Variants in PTPRF observed in about 807,000 individuals in gnomAD.
The protein encoded by PTPRF is protein tyrosine phosphatase receptor type F.
In PTPRF, 59 loss-of-function variants were observed where a neutral mutation model predicts 201.8. The observed-to-expected ratio is 0.29, with a 90% CI of 0.24 to 0.36. The LOEUF (loss-of-function observed/expected upper bound fraction) is 0.36. Among genes scored for constraint, PTPRF ranks in the 10% least tolerant of loss-of-function variants. The pLI, the probability that PTPRF is intolerant of heterozygous loss-of-function variation, is 1.00. For missense variants in PTPRF, 2,132 were observed against 2,690.5 expected (o/e 0.79, Z 4.59); for synonymous variants, 1,088 against 1,089.7 (o/e 1.00, Z 0.03).
At chr1:43,567,021 G>A (rs564916891) in intron 5 of PTPRF, among the ~76,000 whole-genome samples, 2 of 152,312 alleles carry the variant, frequency 1.3e-5, no homozygotes, top group Admixed American at 6.5e-5. Context: ...ACACAGGGCT[G>A]CACACATTTG....
At chr1:43,576,876 G>C (rs1570207123) in intron 6 of PTPRF, among the ~76,000 whole-genome samples, 2 of 152,348 alleles carry the variant, frequency 1.3e-5, no homozygotes, top group East Asian at 3.9e-4. Context: ...GGCAAGAGCA[G>C]CTGCCTTCCT....
intron 5 of PTPRF, among the ~76,000 whole-genome samples, chr1:43,564,525 C>G (rs1404234865): frequency 6.6e-6 from 1 of 152,198 alleles, no homozygotes; most frequent in Non-Finnish European, 1.5e-5. Context: ...TCCACAGGTG[C>G]TAGTCACTGC....
chr1:43,579,209 T>C, intron 7 of PTPRF: 1 of 623,578 alleles, frequency 1.6e-6, no homozygotes, highest in Non-Finnish European at 3.1e-6. Context: ...CCCATGGGAA[T>C]TTGGAGCCAT....
chr1:43,607,554 G>A (rs1376629909), intron 21 of PTPRF, among the ~76,000 whole-genome samples: 1 of 152,160 alleles, frequency 6.6e-6, no homozygotes, highest in Non-Finnish European at 1.5e-5. Flanking sequence ...CTTCCTATCC[G>A]TGCACCTTCC....
upstream of PTPRF, chr1:43,525,391 C>T (rs1643067409): frequency 6.6e-6 from 1 of 152,504 alleles, no homozygotes; most frequent in African/African-American, 2.4e-5. Context: ...TGCACCGGCA[C>T]TGAAGTAACC....
At chr1:43,613,144 T>G (rs1380114020) in intron 22 of PTPRF, 1 of 334,898 alleles carries the variant, frequency 3.0e-6, no homozygotes, top group Non-Finnish European at 5.8e-6. Flanking sequence ...CTCTCTCTAT[T>G]GTGTCTGTAC....
At chr1:43,547,096 C>T (rs368501236) in intron 3 of PTPRF, among the ~76,000 whole-genome samples, 4 of 152,162 alleles carry the variant, frequency 2.6e-5, no homozygotes, top group African/African-American at 7.2e-5. Flanking sequence ...TCATTCCCTC[C>T]CACCCCCAGG....
intron 11 of PTPRF, among the ~76,000 whole-genome samples, chr1:43,595,499 C>T (rs1652030371): frequency 6.6e-6 from 1 of 152,138 alleles, no homozygotes; most frequent in Non-Finnish European, 1.5e-5. Flanking sequence ...GGATTACAGG[C>T]GTGAGCCACC....
intron 7 of PTPRF, among the ~76,000 whole-genome samples, chr1:43,587,862 G>T (rs757741402): frequency 6.6e-6 from 1 of 152,198 alleles, no homozygotes; most frequent in African/African-American, 2.4e-5. Flanking sequence ...AACTTCGGGG[G>T]CGGGTGGTTC....
chr1:43,591,232 G>T lies in PTPRF; in HGVS notation c.1210G>T (p.Val404Leu). 6.3e-7 allele frequency: 1 copy of T among 1,599,180 alleles called. No individual in the cohort carries two copies. Among genetic ancestry groups the T allele is most frequent in the Non-Finnish European group, 8.5e-7 (1 of 1,173,688 alleles). The change falls in exon 9 of 34, where the codon GTG (valine) becomes TTG (leucine). Residue 404 changes from valine (V) to leucine (L), a missense_variant. Around this residue, in one of 6 missense-constraint regions of PTPRF, gnomAD observed 351 missense variants for 401.7 expected, o/e 0.87. Transcript: ENST00000359947. ...CGGGCGAGGGCCGCCCAGCGAGGCA[G>T]TGCGGGCACGCACGGGAGAACAGGC... is the stretch of plus-strand genomic sequence containing the variant. ...SIGRGPPSEAVRARTGEQAPS... is the reference protein window; with the variant it reads ...SIGRGPPSEALRARTGEQAPS...
Position 43,584,283 on chromosome 1 carries a change from T to G in PTPRF, c.680-4448T>G, listed in dbSNP as rs549292820. Among the ~76,000 whole-genome samples the G allele has an allele frequency of 9.2e-5, 14 of 152,320 alleles. No homozygotes were observed. The East Asian group carries it at 2.7e-3, about 29-fold the overall frequency. On this transcript the variant is annotated intron_variant, in intron 7 of 33. Coordinates refer to ENST00000359947, the MANE Select transcript of PTPRF (RefSeq NM_002840.5). ...GCAAACCCAGGCCATCCTCGTTCCC[T>G]CTGCCACATCCTCCGTGGCTTGAGT... is the stretch of plus-strand genomic sequence containing the variant.
At chr1:43,551,582 G>A (rs1557690631) in intron 3 of PTPRF, among the ~76,000 whole-genome samples, 1 of 152,178 alleles carries the variant, frequency 6.6e-6, no homozygotes, top group Admixed American at 6.5e-5. Flanking sequence ...AGGGAAGGCC[G>A]TAGGTGAGCT....
At chr1:43,609,804 G>A (rs1043987159) in intron 22 of PTPRF, among the ~76,000 whole-genome samples, 7 of 152,300 alleles carry the variant, frequency 4.6e-5, no homozygotes, top group Non-Finnish European at 5.9e-5. Context: ...CAGAGCCCAC[G>A]TCTCTGCCAC....
intron 5 of PTPRF, among the ~76,000 whole-genome samples, chr1:43,569,303 A>C (rs1646410258): frequency 6.9e-6 from 1 of 144,000 alleles, no homozygotes; most frequent in Admixed American, 7.5e-5. Flanking sequence ...CGTTCTTCTC[A>C]GGGCCTGGAG....
chr1:43,540,676 C>A (rs1397399045), intron 2 of PTPRF, among the ~76,000 whole-genome samples: 1 of 152,214 alleles, frequency 6.6e-6, no homozygotes, highest in Non-Finnish European at 1.5e-5. Context: ...AAACTGAGAG[C>A]TGCAACAGGG....
chr1:43,541,036 G>A (rs1644331569), intron 2 of PTPRF, among the ~76,000 whole-genome samples: 4 of 152,220 alleles, frequency 2.6e-5, no homozygotes, highest in South Asian at 2.1e-4. Flanking sequence ...GAAGATGAAC[G>A]GCTCAGAGCT....
At chr1:43,561,043 C>T (rs1003175608) in intron 5 of PTPRF, among the ~76,000 whole-genome samples, 1 of 152,168 alleles carries the variant, frequency 6.6e-6, no homozygotes, top group African/African-American at 2.4e-5. Flanking sequence ...CAGTGCTGTA[C>T]TGGGCTTGGA....
In PTPRF at chr1:43,618,753, T is replaced by G. The variant is rs777971890; in HGVS notation, c.4491+4T>G. 2.5e-6 allele frequency: 4 copies of G among 1,595,978 alleles called. No individual in the cohort carries two copies. The African/African-American group carries it at 5.4e-5, about 21-fold the overall frequency. On this transcript the variant is annotated splice_donor_region_variant and intron_variant, in intron 26 of 33. Coordinates refer to ENST00000359947, the MANE Select transcript of PTPRF (RefSeq NM_002840.5). ...GCGCACCTTCGCACTCCACAAGGTA[T>G]AGCCTTTCCCCAGTGCATATCTCTT...
At chr1:43,568,402 G>A (rs1302366042) in intron 5 of PTPRF, among the ~76,000 whole-genome samples, 4 of 152,052 alleles carry the variant, frequency 2.6e-5, no homozygotes, top group Admixed American at 2.6e-4. Flanking sequence ...CTCAATACCT[G>A]TCTGCCCCAG....
Sources: gnomAD v4.1 joint callset for allele counts (sites outside exome capture counted in the v4.1 genomes callset) on GRCh38, gnomAD v4.1.1 for gene constraint, gnomAD v4.1.1 regional missense constraint, MANE v1.5 for transcripts, NCBI Gene and HGNC (gene_info 2026-07-23, HGNC 2026-07-21) for gene names.